Variants in STXBP4 observed in about 807,000 individuals in gnomAD.
The protein encoded by STXBP4 is syntaxin-binding protein 4.
A neutral mutation model predicts 76.1 loss-of-function variants in STXBP4; 55 were observed. The ratio of observed to expected loss-of-function variants is 0.72; its 90% confidence interval spans 0.58 to 0.91. STXBP4 has a LOEUF of 0.91. Ranked by LOEUF, STXBP4 falls within the 40% of genes least tolerant of loss-of-function variation. STXBP4 has a pLI of 0.00. For missense variants in STXBP4, 618 were observed against 636.9 expected, an observed-to-expected ratio of 0.97 and a Z score of 0.32; for synonymous variants, 201 against 220.2, an observed-to-expected ratio of 0.91 and a Z score of 0.77.
At chr17:55,007,474 T>A (rs1345661991) in intron 7 of STXBP4, 32 bp from the exon 8 acceptor site, 1 of 1,516,258 alleles carries the variant, frequency 6.6e-7, no homozygotes, top group South Asian at 1.1e-5. Context: ...CCAATTAAGT[T>A]CCCAATTAAT....
chr17:55,007,598 G>A lies in STXBP4; in HGVS notation c.666+1G>A, dbSNP rs756182709. 3 of 1,594,262 alleles carry A rather than the reference G, an allele frequency of 1.9e-6. No individual in the cohort carries two copies. The highest frequency in any genetic ancestry group is 2.3e-5 in the South Asian group (2 of 86,956). ...CTTTAAGGCAGAGAAACTGGAAATG[G>A]TAAAACCTTTAAATTTTCATTTTTC... On this transcript the variant is annotated splice_donor_variant, in intron 8 of 17. Coordinates refer to ENST00000376352, the MANE Select transcript of STXBP4 (RefSeq NM_178509.6). LOFTEE classifies it high-confidence loss of function.
At chr17:55,023,621 A>G (rs778755483) in intron 8 of STXBP4, among the ~76,000 whole-genome samples, 1 of 152,178 alleles carries the variant, frequency 6.6e-6, no homozygotes, top group Non-Finnish European at 1.5e-5. Context: ...TAGAGATGCT[A>G]AACCTGTATA....
At chr17:55,081,216 GTAAT>G in intron 16 of STXBP4, 33 bp downstream of exon 16, 1 of 1,373,776 alleles carries the variant, frequency 7.3e-7, no homozygotes. Flanking sequence ...CTTTTTAAAA[GTAAT>G]TTATTTAACA....
In STXBP4 at chr17:55,044,757, A is replaced by G. The variant is rs543438440; in HGVS notation, c.945+1432A>G. The stretch of plus-strand genomic sequence containing the variant: ...GAATCCAAAACTGCTTCAAAAAATA[A>G]TAAAGCCTTAAAAAATTTTTTTCCA... On this transcript the variant is annotated intron_variant, in intron 11 of 17. Transcript: ENST00000376352. 18 of 152,274 alleles carry G rather than the reference A, an allele frequency of 1.2e-4. No individual in the cohort carries two copies. The South Asian group carries it at 1.4e-3, about 12-fold the overall frequency. The allele number at this position is 152,274 out of a possible 1,614,324, so 9.4% of individuals were successfully genotyped here. A position where few individuals can be genotyped will look rare whatever the true frequency, so the allele number is the denominator to read the frequency against.
rs970044903 is a variant in STXBP4 at position 55,172,822 on chromosome 17, T to A, written c.*12911T>A. 6 of 152,318 alleles carry A rather than the reference T, an allele frequency of 3.9e-5. No individual in the cohort carries two copies. Among genetic ancestry groups the A allele is most frequent in the African/African-American group, 1.4e-4 (6 of 41,570 alleles). 9.4% of individuals were successfully genotyped at this position (152,318 alleles called of 1,614,324 possible). On this transcript the variant is annotated 3_prime_UTR_variant, in exon 18 of 18. Coordinates refer to ENST00000376352, the MANE Select transcript of STXBP4 (RefSeq NM_178509.6). Reference sequence around the variant, plus strand: ...CCCAAATCCTGGGAACTCCCTCAGCTCTGGGCAAGCCAGGACAGGTAGGTC... The same window carrying A: ...CCCAAATCCTGGGAACTCCCTCAGCACTGGGCAAGCCAGGACAGGTAGGTC...
intron 8 of STXBP4, among the ~76,000 whole-genome samples, chr17:55,024,124 G>A (rs1436247952): frequency 6.6e-6 from 1 of 152,172 alleles, no homozygotes; most frequent in African/African-American, 2.4e-5. Flanking sequence ...TACTCATTAA[G>A]TGGACAAACA....
the STXBP4 span, among the ~76,000 whole-genome samples, chr17:55,189,654 C>T: frequency 6.6e-6 from 1 of 152,182 alleles, no homozygotes; most frequent in Non-Finnish European, 1.5e-5. Context: ...GAAAATAAAC[C>T]TATACAAGTA....
chr17:55,185,248 TCTCCTTCTCCTTCTCCTTCTC>T, the STXBP4 span, among the ~76,000 whole-genome samples: 203 of 43,542 alleles, frequency 4.7e-3, no homozygotes, highest in Admixed American at 5.6e-3. Context: ...TTCTTCTTCT[TCTCCTTCTCCTTCTCCTTCTC>T]CTTCTCCTTC....
At chr17:54,977,311 A>G (rs147870677) in intron 1 of STXBP4, among the ~76,000 whole-genome samples, 1 of 152,242 alleles carries the variant, frequency 6.6e-6, no homozygotes, top group African/African-American at 2.4e-5. Flanking sequence ...GGTTCAACCA[A>G]TCACAGATTG....
intron 16 of STXBP4, among the ~76,000 whole-genome samples, chr17:55,113,536 T>C (rs1307092232): frequency 6.6e-6 from 1 of 152,170 alleles, no homozygotes; most frequent in African/African-American, 2.4e-5. Flanking sequence ...GAAGTGTGGT[T>C]TAACTGTATG....
the STXBP4 span, among the ~76,000 whole-genome samples, chr17:55,179,902 C>T: frequency 6.6e-6 from 1 of 151,996 alleles, no homozygotes; most frequent in Non-Finnish European, 1.5e-5. Flanking sequence ...AGATTGGCAC[C>T]CCTAACACTA....
In STXBP4 at chr17:55,168,171, TACATACACAC is replaced by T. The variant is rs1432496783; in HGVS notation, c.*8269_*8278del. On this transcript the variant is annotated 3_prime_UTR_variant, in exon 18 of 18. Coordinates refer to ENST00000376352, the MANE Select transcript of STXBP4 (RefSeq NM_178509.6). Reference sequence around the variant, plus strand: ...GGAAATTTGAAGGAAATAGAATGCATACATACACACACATACACTTAGTATATGTGTGTGT... The same window carrying T: ...GGAAATTTGAAGGAAATAGAATGCATACATACACTTAGTATATGTGTGTGT... 6.6e-6 allele frequency: 1 copy of T among 151,906 alleles called. No individual in the cohort carries two copies. Among genetic ancestry groups the T allele is most frequent in the African/African-American group, 2.4e-5 (1 of 41,364 alleles). 9.4% of individuals were successfully genotyped at this position (151,906 alleles called of 1,614,324 possible).
Position 55,165,542 on chromosome 17 carries a change from G to T in STXBP4, c.*5631G>T, listed in dbSNP as rs181543290. The T allele has an allele frequency of 1.8e-4, 27 of 152,368 alleles. 2 individuals carry two copies. Among genetic ancestry groups the T allele is most frequent in the African/African-American group, 6.3e-4 (26 of 41,588 alleles). 9.4% of individuals were successfully genotyped at this position (152,368 alleles called of 1,614,324 possible). On this transcript the variant is annotated 3_prime_UTR_variant, in exon 18 of 18. Transcript: ENST00000376352. Reference sequence around the variant, plus strand: ...ATAACACCTGCTGGACCTGAATGAGGATCTTTTCCATTCAATCCACATGTT... The same window carrying T: ...ATAACACCTGCTGGACCTGAATGAGTATCTTTTCCATTCAATCCACATGTT...
chr17:55,213,130 G>A, the STXBP4 span, among the ~76,000 whole-genome samples: 4 of 152,124 alleles, frequency 2.6e-5, 1 homozygote, highest in South Asian at 8.3e-4. Flanking sequence ...CGGTGGTTGG[G>A]AAGAAACTGC....
the STXBP4 span, among the ~76,000 whole-genome samples, chr17:55,201,669 TC>T: frequency 6.6e-6 from 1 of 152,192 alleles, no homozygotes; most frequent in Non-Finnish European, 1.5e-5. Context: ...ACTGCTAAGG[TC>T]GTAGCAAAGG....
intron 13 of STXBP4, among the ~76,000 whole-genome samples, chr17:55,074,835 A>G (rs1311613861): frequency 6.6e-6 from 1 of 152,036 alleles, no homozygotes; most frequent in Non-Finnish European, 1.5e-5. Context: ...AGCTATTAAT[A>G]TGAGCATCTC....
intron 3 of STXBP4, among the ~76,000 whole-genome samples, chr17:54,987,769 G>T (rs1371043589): frequency 6.6e-6 from 1 of 152,082 alleles, no homozygotes; most frequent in Non-Finnish European, 1.5e-5. Context: ...TTTGTTAGAG[G>T]TTACCAATTT....
At chr17:55,001,909 G>T (rs1176582519) in intron 7 of STXBP4, among the ~76,000 whole-genome samples, 1 of 152,184 alleles carries the variant, frequency 6.6e-6, no homozygotes, top group African/African-American at 2.4e-5. Context: ...TGGGATGACA[G>T]GCGTGAGCCA....
At chr17:55,075,448 C>G (rs1736695161) in intron 13 of STXBP4, among the ~76,000 whole-genome samples, 1 of 151,916 alleles carries the variant, frequency 6.6e-6, no homozygotes, top group Non-Finnish European at 1.5e-5. Flanking sequence ...ATGGACAGTC[C>G]AATTGTTTCT....
Sources: allele counts gnomAD v4.1 joint callset (sites outside exome capture counted in the v4.1 genomes callset), GRCh38; gene constraint gnomAD v4.1.1; transcripts MANE v1.5; gene names NCBI Gene and HGNC (gene_info 2026-07-23, HGNC 2026-07-21).